EFNA5: variants seen among roughly 807,000 people sequenced by gnomAD.
The protein encoded by EFNA5 is ephrin A5, also known as ephrin-A5.
EFNA5 carries 5 observed loss-of-function variants against 22.9 expected under a neutral mutation model. The observed-to-expected ratio is 0.22, with a 90% confidence interval of 0.11 to 0.46. The LOEUF is 0.46. Among genes scored for constraint, EFNA5 ranks in the 20% least tolerant of loss-of-function variants. The pLI, the probability that EFNA5 is intolerant of heterozygous loss-of-function variation, is 0.99. For synonymous variants in EFNA5, 113 were observed against 112.2 expected (o/e 1.01, Z -0.04); for missense variants, 237 against 293.3 (o/e 0.81, Z 1.40).
chr5:107,637,201 TAATATA>T (rs1202102821), intron 1 of EFNA5, among the ~76,000 whole-genome samples: 9 of 152,146 alleles, frequency 5.9e-5, no homozygotes, highest in Non-Finnish European at 8.8e-5. Flanking sequence ...AATAAAATCG[TAATATA>T]ATTATAAGAG....
At position 107,555,427 on chromosome 5, in the gene EFNA5, T is replaced by C. The variant is rs1215392415; in HGVS notation, c.125+115062A>G. 3.2e-4 allele frequency among the ~76,000 whole-genome samples: 48 copies of C among 152,198 alleles called. 1 individual carries two copies. The highest frequency in any genetic ancestry group is 3.1e-3 in the Admixed American group (48 of 15,278). On this transcript the variant is annotated intron_variant, in intron 1 of 4. Transcript: ENST00000333274. The stretch of plus-strand genomic sequence containing the variant: ...GTGTACAGGAGAAGAGGAATGGAGA[T>C]TTTATTTGTGTTACATATTTAATTT...
In EFNA5 at chr5:107,411,219, T is replaced by C. The variant is rs143591250; in HGVS notation, c.418+15998A>G. 3.5e-4 allele frequency among the ~76,000 whole-genome samples: 53 copies of C among 152,352 alleles called. 1 individual carries two copies. The highest frequency in any genetic ancestry group is 1.3e-3 in the African/African-American group (52 of 41,576). On this transcript the variant is annotated intron_variant, in intron 2 of 4. Coordinates refer to ENST00000333274, the MANE Select transcript of EFNA5 (RefSeq NM_001962.3). ...TAAATCTTCTCTTTGTTTTGAACTA[T>C]TCCACATATTCTACAGTACTGTTCA... is the stretch of plus-strand genomic sequence containing the variant.
chr5:107,493,012 T>C (rs1033027610), intron 1 of EFNA5, among the ~76,000 whole-genome samples: 8 of 150,978 alleles, frequency 5.3e-5, no homozygotes, highest in South Asian at 2.1e-4. Context: ...AAAAAATACA[T>C]CTTTAAGATC....
At chr5:107,549,563 G>A (rs1032022355) in intron 1 of EFNA5, among the ~76,000 whole-genome samples, 3 of 152,216 alleles carry the variant, frequency 2.0e-5, no homozygotes, top group African/African-American at 2.4e-5. Context: ...CTGGACCATC[G>A]AATTGTGTGC....
At chr5:107,579,185 A>G (rs138732477) in intron 1 of EFNA5, among the ~76,000 whole-genome samples, 35 of 152,244 alleles carry the variant, frequency 2.3e-4, no homozygotes, top group Admixed American at 4.6e-4. Flanking sequence ...ATAGTGCAAA[A>G]AGCTTTGGTA....
intron 1 of EFNA5, among the ~76,000 whole-genome samples, chr5:107,575,698 G>A (rs1203661749): frequency 1.3e-5 from 2 of 152,098 alleles, no homozygotes; most frequent in Non-Finnish European, 2.9e-5. Context: ...TACCCTTGAG[G>A]AGTTTACATT....
chr5:107,616,007 G>A (rs1340033288), intron 1 of EFNA5, among the ~76,000 whole-genome samples: 1 of 152,086 alleles, frequency 6.6e-6, no homozygotes, highest in African/African-American at 2.4e-5. Flanking sequence ...TTCAAGATCT[G>A]GTATTATATT....
At chr5:107,562,897 A>G (rs1486869004) in intron 1 of EFNA5, among the ~76,000 whole-genome samples, 1 of 152,240 alleles carries the variant, frequency 6.6e-6, no homozygotes, top group African/African-American at 2.4e-5. Context: ...TTTTATTTAT[A>G]ATGTAATATT....
At position 107,552,554 on chromosome 5, in the gene EFNA5, A is replaced by T. The variant is rs748388323; in HGVS notation, c.125+117935T>A. On this transcript the variant is annotated intron_variant, in intron 1 of 4. Coordinates refer to ENST00000333274, the MANE Select transcript of EFNA5 (RefSeq NM_001962.3). ...TGTTAACCATTCTTACCATTCCATT[A>T]GTGAACAACATCTGGTGTCTACTTA... 2.0e-5 allele frequency among the ~76,000 whole-genome samples: 3 copies of T among 152,236 alleles called. No homozygotes were observed. The East Asian group carries it at 5.8e-4, about 29-fold the overall frequency.
rs753443216 is a variant in EFNA5 at position 107,419,322 on chromosome 5, A to T, written c.418+7895T>A. On this transcript the variant is annotated intron_variant, in intron 2 of 4. Coordinates refer to ENST00000333274, the MANE Select transcript of EFNA5 (RefSeq NM_001962.3). ...TGACTAGGGACAACTTGAAACAGAC[A>T]CAATTCCCTAAACTCATTCTTTAAA... 6.3e-4 allele frequency among the ~76,000 whole-genome samples: 96 copies of T among 152,328 alleles called. No individual in the cohort carries two copies. In the Middle Eastern group the frequency reaches 0.01, roughly 16 times the overall value.
chr5:107,551,549 T>A (rs1304753256), intron 1 of EFNA5, among the ~76,000 whole-genome samples: 1 of 152,078 alleles, frequency 6.6e-6, no homozygotes, highest in Admixed American at 6.6e-5. Context: ...CCCTTAAATA[T>A]CCAGCAGCAG....
intron 1 of EFNA5, among the ~76,000 whole-genome samples, chr5:107,537,375 CA>C (rs1286326272): frequency 6.6e-6 from 1 of 151,542 alleles, no homozygotes; most frequent in African/African-American, 2.4e-5. Flanking sequence ...TCAAGGTGGG[CA>C]GATCACGAGG....
chr5:107,381,501 T>A, intron 4 of EFNA5, 125 bp from the exon 5 acceptor site: 1 of 1,097,480 alleles, frequency 9.1e-7, no homozygotes, highest in East Asian at 2.6e-5. Context: ...TGTGCCACCA[T>A]TGACTTTCAT....
At chr5:107,507,616 C>T (rs890374149) in intron 1 of EFNA5, among the ~76,000 whole-genome samples, 5 of 151,884 alleles carry the variant, frequency 3.3e-5, no homozygotes, top group East Asian at 1.9e-4. Context: ...GAAGGAGGAC[C>T]GCTTGAGCTC....
At chr5:107,411,976 T>C (rs1483465371) in intron 2 of EFNA5, among the ~76,000 whole-genome samples, 1 of 152,210 alleles carries the variant, frequency 6.6e-6, no homozygotes, top group East Asian at 1.9e-4. Context: ...GGATGGGGTA[T>C]TATCAAATGT....
chr5:107,562,873 G>T (rs1180522043), intron 1 of EFNA5, among the ~76,000 whole-genome samples: 2 of 152,166 alleles, frequency 1.3e-5, no homozygotes, highest in Admixed American at 6.5e-5. Context: ...ATTTCTTGTG[G>T]CAATAATGGG....
At chr5:107,637,711 C>T (rs1056200349) in intron 1 of EFNA5, among the ~76,000 whole-genome samples, 49 of 147,934 alleles carry the variant, frequency 3.3e-4, no homozygotes, top group South Asian at 1.3e-3. Context: ...AAAGCCCCTA[C>T]AGATTATATA....
chr5:107,605,389 A>G (rs190326779), intron 1 of EFNA5, among the ~76,000 whole-genome samples: 206 of 152,172 alleles, frequency 1.4e-3, no homozygotes, highest in African/African-American at 4.7e-3. Flanking sequence ...AATTTTTTGC[A>G]ATCTTCTTTT....
chr5:107,456,683 C>T (rs1285066284), intron 1 of EFNA5, among the ~76,000 whole-genome samples: 1 of 152,148 alleles, frequency 6.6e-6, no homozygotes, highest in East Asian at 1.9e-4. Context: ...AATCATCTGG[C>T]TTTGCTGCTG....
Sources: allele counts gnomAD v4.1 joint callset (sites outside exome capture counted in the v4.1 genomes callset), GRCh38; gene constraint gnomAD v4.1.1; transcripts MANE v1.5; gene names NCBI Gene and HGNC (gene_info 2026-07-23, HGNC 2026-07-21).